KDM6A: variants seen among roughly 807,000 people sequenced by gnomAD.
The protein encoded by KDM6A is lysine-specific demethylase 6A.
Under a neutral mutation model 117.6 loss-of-function variants are expected in KDM6A, and 11 were observed. That is an observed-to-expected ratio of 0.09 (90% CI 0.06 to 0.15). The LOEUF is 0.15. Among genes scored for constraint, KDM6A ranks in the 10% least tolerant of loss-of-function variants. The probability of loss-of-function intolerance (pLI) is 1.00; values close to 1 mark genes in which losing one functional copy is unlikely to be tolerated. For synonymous variants in KDM6A, 384 were observed against 396.1 expected (o/e 0.97, Z 0.36); for missense variants, 799 against 1,077.3 (o/e 0.74, Z 3.62).
In KDM6A at chrX:45,034,924, C is replaced by T. The variant is rs2147776279; in HGVS notation, c.565-7C>T. On this transcript the variant is annotated splice_region_variant and splice_polypyrimidine_tract_variant and intron_variant, in intron 6 of 29. Coordinates refer to ENST00000611820, the MANE Select transcript of KDM6A (RefSeq NM_001291415.2). ...ACTGCATTAATTTTCTCACTCTCGT[C>T]TTGCAGCATTTTCAGTTAGCTTTGG... is the stretch of plus-strand genomic sequence containing the variant. 8.3e-7 allele frequency: 1 copy of T among 1,201,859 alleles called. No individual in the cohort carries two copies. The highest frequency in any genetic ancestry group is 1.1e-6 in the Non-Finnish European group (1 of 886,409).
At chrX:45,099,303 T>TC (rs2046240391) in intron 27 of KDM6A, among the ~76,000 whole-genome samples, 1 of 110,611 alleles carries the variant, frequency 9.0e-6, no homozygotes, top group African/African-American at 3.3e-5. Flanking sequence ...GTCTTTTTTT[T>TC]TTTTTAAGCA....
At chrX:45,049,747 A>G (rs887332422) in intron 8 of KDM6A, among the ~76,000 whole-genome samples, 1 of 111,930 alleles carries the variant, frequency 8.9e-6, no homozygotes, top group Non-Finnish European at 1.9e-5. Flanking sequence ...TAGTCTTTGC[A>G]TTTTCTGTCC....
At chrX:45,077,235 TAA>T (rs1365157142) in intron 19 of KDM6A, among the ~76,000 whole-genome samples, 2 of 110,336 alleles carry the variant, frequency 1.8e-5, no homozygotes, top group Non-Finnish European at 3.8e-5. Flanking sequence ...TTTGAGAACA[TAA>T]GTGTGATAGT....
At chrX:44,978,061 G>T (rs995817225) in intron 4 of KDM6A, among the ~76,000 whole-genome samples, 1 of 112,296 alleles carries the variant, frequency 8.9e-6, no homozygotes, top group Non-Finnish European at 1.9e-5. Context: ...TTCTATTTCT[G>T]TGTAGTCAGA....
intron 2 of KDM6A, among the ~76,000 whole-genome samples, chrX:44,945,967 A>C (rs763172246): frequency 2.0e-4 from 22 of 112,569 alleles, no homozygotes; most frequent in African/African-American, 6.1e-4. Context: ...CTAGTGGTTT[A>C]AACAGACACG....
intron 2 of KDM6A, among the ~76,000 whole-genome samples, chrX:44,906,843 G>A (rs1431749051): frequency 8.9e-6 from 1 of 111,929 alleles, no homozygotes; most frequent in Non-Finnish European, 1.9e-5. Flanking sequence ...GTTAGGAGCA[G>A]CATTATTGAT....
At chrX:45,081,750 A>T (rs2045416757) in intron 21 of KDM6A, among the ~76,000 whole-genome samples, 1 of 110,868 alleles carries the variant, frequency 9.0e-6, no homozygotes, top group African/African-American at 3.3e-5. Flanking sequence ...TGCCGGTGAG[A>T]TTCAACTTTT....
At chrX:44,950,143 G>T (rs2037903419) in intron 2 of KDM6A, among the ~76,000 whole-genome samples, 1 of 110,307 alleles carries the variant, frequency 9.1e-6, no homozygotes, top group East Asian at 2.8e-4. Context: ...CTGCCTTCGA[G>T]TAGCTGGGAC....
chrX:45,036,162 G>C (rs12835922), intron 7 of KDM6A, among the ~76,000 whole-genome samples: 1 of 110,988 alleles, frequency 9.0e-6, no homozygotes, highest in Non-Finnish European at 1.9e-5. Flanking sequence ...CTGCCACTTA[G>C]GCTGGAGTGC....
chrX:45,110,578 C>T (rs1054260575), intron 29 of KDM6A, among the ~76,000 whole-genome samples: 13 of 111,411 alleles, frequency 1.2e-4, no homozygotes, highest in African/African-American at 4.2e-4. Flanking sequence ...TGTTTGTGTA[C>T]GTAGGTTATT....
At chrX:44,940,213 C>T (rs866300931) in intron 2 of KDM6A, among the ~76,000 whole-genome samples, 6 of 110,532 alleles carry the variant, frequency 5.4e-5, no homozygotes, top group South Asian at 3.9e-4. Flanking sequence ...CTACCATGCC[C>T]GGCCAATTTT....
At chrX:44,979,920 A>G (rs143009603) in intron 4 of KDM6A, among the ~76,000 whole-genome samples, 5,350 of 110,792 alleles carry the variant, frequency 0.048, 336 homozygotes, top group African/African-American at 0.17. Context: ...TTTTAAGCCA[A>G]TATCATAGTT....
chrX:45,000,691 G>A (rs1242572422), intron 4 of KDM6A, among the ~76,000 whole-genome samples: 1 of 113,091 alleles, frequency 8.8e-6, no homozygotes, highest in Non-Finnish European at 1.9e-5. Flanking sequence ...TGAACTTAGT[G>A]TTGGGAGACG....
intron 8 of KDM6A, among the ~76,000 whole-genome samples, chrX:45,040,872 T>C (rs1602688643): frequency 3.0e-5 from 2 of 66,959 alleles, no homozygotes; most frequent in African/African-American, 1.2e-4. Context: ...GGCGGGGGGC[T>C]GACCCCCCCA....
intron 2 of KDM6A, among the ~76,000 whole-genome samples, chrX:44,926,727 T>C (rs2036323910): frequency 8.9e-6 from 1 of 111,884 alleles, no homozygotes; most frequent in African/African-American, 3.3e-5. Context: ...TTTAGAGACA[T>C]TTGATAAATA....
chrX:45,031,176 C>A (rs1217446017), intron 6 of KDM6A, among the ~76,000 whole-genome samples: 2 of 112,225 alleles, frequency 1.8e-5, no homozygotes, highest in Admixed American at 1.9e-4. Flanking sequence ...TGAAGTAACT[C>A]TTTTCTTACT....
rs1193454497 is a variant in KDM6A, at chrX:45,040,727, C to T, written c.654+3038C>T. 1.0e-4 allele frequency among the ~76,000 whole-genome samples: 6 copies of T among 58,487 alleles called. 1 individual carries two copies. The South Asian group carries it at 4.9e-3, about 48-fold the overall frequency. 50.8% of individuals were successfully genotyped at this position (58,487 alleles called of 115,157 possible). ...GGCGGCTGGACGGGCGGGGGGCTGA[C>T]CCCCCCACCTCCCTCCTGGATGGGG... On this transcript the variant is annotated intron_variant, in intron 8 of 29. Transcript: ENST00000611820.
At chrX:44,957,562 T>G (rs1285833980) in intron 2 of KDM6A, among the ~76,000 whole-genome samples, 1 of 111,992 alleles carries the variant, frequency 8.9e-6, no homozygotes, top group Admixed American at 9.5e-5. Flanking sequence ...CAAGTTATAT[T>G]GAATGTTGTG....
chrX:45,106,809 A>G, intron 27 of KDM6A: 2 of 243,003 alleles, frequency 8.2e-6, no homozygotes, highest in South Asian at 9.3e-5. Context: ...AATGGATTCC[A>G]CTGTTACCTT....
Sources: allele counts gnomAD v4.1 joint callset (sites outside exome capture counted in the v4.1 genomes callset), GRCh38; gene constraint gnomAD v4.1.1; transcripts MANE v1.5; gene names NCBI Gene and HGNC (gene_info 2026-07-23, HGNC 2026-07-21).